The following KCNN2 variants were observed in gnomAD, a reference collection of about 807,000 sequenced individuals.
The protein encoded by KCNN2 is potassium calcium-activated channel subfamily N member 2.
In KCNN2, 24 loss-of-function variants were observed where a neutral mutation model predicts 55.5. The observed-to-expected ratio is 0.43, with a 90% CI of 0.31 to 0.61. KCNN2 has a LOEUF of 0.61. Ranked by LOEUF, KCNN2 falls within the 20% of genes least tolerant of loss-of-function variation. The pLI is 0.08. For synonymous variants in KCNN2, 431 were observed against 336.1 expected, an observed-to-expected ratio of 1.28 and a Z score of -3.09; for missense variants, 754 against 853.6, an observed-to-expected ratio of 0.88 and a Z score of 1.45.
chr5:114,198,503 C>A (rs1753606406), intron 1 of KCNN2, among the ~76,000 whole-genome samples: 1 of 150,096 alleles, frequency 6.7e-6, no homozygotes, highest in Non-Finnish European at 1.5e-5. Context: ...TTATTCAGTC[C>A]TCCTTTGATA....
At chr5:114,095,366 C>T (rs1225116213) in intron 1 of KCNN2, among the ~76,000 whole-genome samples, 1 of 152,170 alleles carries the variant, frequency 6.6e-6, no homozygotes, top group African/African-American at 2.4e-5. Context: ...ATTTGCCAGG[C>T]ATTGTGCTAA....
At chr5:114,285,153 G>A (rs1019732063) in intron 2 of KCNN2, among the ~76,000 whole-genome samples, 5 of 151,370 alleles carry the variant, frequency 3.3e-5, no homozygotes, top group Admixed American at 6.6e-5. Context: ...GTGTGGTGGC[G>A]GGTGCCTGTA....
chr5:114,069,359 A>AT (rs5870578), intron 1 of KCNN2, among the ~76,000 whole-genome samples: 109,747 of 151,406 alleles, frequency 0.72, 39,808 homozygotes, highest in South Asian at 0.8. Context: ...TTTGCCTCTC[A>AT]TTTTTTATGG....
chr5:114,370,852 A>G (rs928544697), intron 2 of KCNN2, among the ~76,000 whole-genome samples: 8 of 152,170 alleles, frequency 5.3e-5, no homozygotes, highest in Non-Finnish European at 8.8e-5. Context: ...TGGGAAAGTC[A>G]GTAAAGAGTT....
chr5:114,369,799 C>A (rs1465279816), intron 2 of KCNN2, among the ~76,000 whole-genome samples: 8 of 152,094 alleles, frequency 5.3e-5, no homozygotes, highest in South Asian at 2.1e-4. Flanking sequence ...AGAGCAGCAT[C>A]ACAAATGAAT....
chr5:114,092,414 C>A (rs1429940524), intron 1 of KCNN2, among the ~76,000 whole-genome samples: 3 of 152,156 alleles, frequency 2.0e-5, no homozygotes, highest in Non-Finnish European at 4.4e-5. Flanking sequence ...CACGGCCAGG[C>A]TGTTGTTGAT....
chr5:114,253,593 C>G (rs1754923605), intron 2 of KCNN2: 1 of 154,962 alleles, frequency 6.5e-6, no homozygotes, highest in Admixed American at 6.5e-5. Context: ...CGGGTGTCCC[C>G]TTCCTCTCTC....
At chr5:114,114,025 A>G (rs1004671896) in intron 1 of KCNN2, among the ~76,000 whole-genome samples, 6 of 152,116 alleles carry the variant, frequency 3.9e-5, no homozygotes, top group African/African-American at 9.7e-5. Context: ...GTGATAACCC[A>G]CTGGGTAAAC....
At chr5:114,199,090 A>G (rs1347823729) in intron 1 of KCNN2, among the ~76,000 whole-genome samples, 1 of 152,022 alleles carries the variant, frequency 6.6e-6, no homozygotes, top group Admixed American at 6.6e-5. Context: ...TATTTGTTTC[A>G]TGAATTTGGA....
intron 2 of KCNN2, among the ~76,000 whole-genome samples, chr5:114,389,735 C>T (rs1049123696): frequency 6.6e-6 from 1 of 152,148 alleles, no homozygotes; most frequent in Non-Finnish European, 1.5e-5. Context: ...TTTCTGTTAC[C>T]ATGGGGCATT....
intron 2 of KCNN2, among the ~76,000 whole-genome samples, chr5:114,330,023 T>C (rs1312515602): frequency 6.6e-6 from 1 of 151,870 alleles, no homozygotes; most frequent in Non-Finnish European, 1.5e-5. Context: ...TCCCTCTCTC[T>C]CCCCTTTGAG....
intron 2 of KCNN2, among the ~76,000 whole-genome samples, chr5:114,250,671 C>A (rs1159447653): frequency 6.6e-6 from 1 of 152,118 alleles, no homozygotes; most frequent in Non-Finnish European, 1.5e-5. Context: ...AAGTCTATGG[C>A]CCCTGAAGGA....
chr5:114,363,342 T>C, intron 1 of KCNN2, 81 bp downstream of exon 1: 1 of 1,432,304 alleles, frequency 7.0e-7, no homozygotes, highest in Non-Finnish European at 9.2e-7. Context: ...ACCCTTTGCG[T>C]GCGGATCCCT....
intron 2 of KCNN2, among the ~76,000 whole-genome samples, chr5:114,222,534 A>AT (rs1561529134): frequency 6.6e-6 from 1 of 152,176 alleles, no homozygotes; most frequent in Non-Finnish European, 1.5e-5. Context: ...GGCAAACTGC[A>AT]TTTTTCATGT....
chr5:114,363,289 A>G, intron 1 of KCNN2, 28 bp downstream of exon 1: 1 of 1,553,300 alleles, frequency 6.4e-7, no homozygotes. Context: ...AGCCCACGCT[A>G]CCGGAGTCGG....
chr5:114,470,318 A>T (rs1473118541), intron 4 of KCNN2, among the ~76,000 whole-genome samples: 1 of 151,978 alleles, frequency 6.6e-6, no homozygotes, highest in Non-Finnish European at 1.5e-5. Flanking sequence ...GTAGTTAGGA[A>T]CCCCTCAGGT....
chr5:114,059,303 G>T (rs528955694), intron 1 of KCNN2, among the ~76,000 whole-genome samples: 1 of 152,278 alleles, frequency 6.6e-6, no homozygotes, highest in African/African-American at 2.4e-5. Context: ...ATCATATTTT[G>T]GACATATCAT....
At chr5:114,396,580 G>A (rs1010234321) in intron 2 of KCNN2, among the ~76,000 whole-genome samples, 16 of 144,446 alleles carry the variant, frequency 1.1e-4, no homozygotes, top group Non-Finnish European at 2.1e-4. Flanking sequence ...ATGGAGTCTT[G>A]CTCTGTTGCC....
At chr5:114,161,030 A>C (rs1355792591) in intron 1 of KCNN2, among the ~76,000 whole-genome samples, 1 of 152,118 alleles carries the variant, frequency 6.6e-6, no homozygotes, top group Admixed American at 6.6e-5. Context: ...GTTATGTGTG[A>C]ATTTGATCCT....
Sources: gnomAD v4.1 joint callset for allele counts (sites outside exome capture counted in the v4.1 genomes callset) on GRCh38, gnomAD v4.1.1 for gene constraint, MANE v1.5 for transcripts, NCBI Gene and HGNC (gene_info 2026-07-23, HGNC 2026-07-21) for gene names.